Variants in TDP1 observed in about 807,000 individuals in gnomAD.
TDP1 encodes the protein tyrosyl-DNA phosphodiesterase 1.
Under a neutral mutation model 81.5 loss-of-function variants are expected in TDP1, and 64 were observed. The ratio of observed to expected loss-of-function variants is 0.79; its 90% CI spans 0.64 to 0.97. The LOEUF is 0.97. TDP1 is among the 50% of genes least tolerant of loss of function. The pLI, the probability that TDP1 is intolerant of heterozygous loss-of-function variation, is 0.00. For synonymous variants in TDP1, 256 were observed against 264.3 expected, an observed-to-expected ratio of 0.97 and a Z score of 0.30; for missense variants, 723 against 743.8, an observed-to-expected ratio of 0.97 and a Z score of 0.33.
intron 4 of TDP1, 61 bp from the exon 5 acceptor site, chr14:89,967,306 C>T (rs779108285): frequency 6.7e-6 from 10 of 1,491,820 alleles, no homozygotes; most frequent in Non-Finnish European, 8.4e-6. Flanking sequence ...AAACAATTCT[C>T]CTTATGAACT....
chr14:89,981,934 T>C (rs1895019260), intron 8 of TDP1, among the ~76,000 whole-genome samples: 2 of 151,746 alleles, frequency 1.3e-5, no homozygotes, highest in South Asian at 4.1e-4. Context: ...GTGCTGAGAT[T>C]ACAGGCATGA....
chr14:90,020,941 G>A (rs1024492264), intron 15 of TDP1, among the ~76,000 whole-genome samples: 19 of 151,064 alleles, frequency 1.3e-4, no homozygotes, highest in African/African-American at 4.9e-5. Flanking sequence ...GACTACAGGC[G>A]CCTGCCACCA....
chr14:90,023,994 C>T (rs1886374014), intron 15 of TDP1, among the ~76,000 whole-genome samples: 2 of 152,196 alleles, frequency 1.3e-5, no homozygotes, highest in South Asian at 2.1e-4. Context: ...AACACCCCCG[C>T]AACATCACAT....
chr14:89,992,095 C>A, intron 13 of TDP1, 112 bp downstream of exon 13: 1 of 870,742 alleles, frequency 1.1e-6, no homozygotes, highest in Non-Finnish European at 1.8e-6. Flanking sequence ...TAGCTATATT[C>A]TTTCATCTAC....
chr14:89,975,581 G>GTTTTTTTTTTTTTTT, intron 6 of TDP1, 200 bp from the exon 7 acceptor site: 1 of 256,994 alleles, frequency 3.9e-6, no homozygotes, highest in Non-Finnish European at 5.3e-6. Context: ...CAAAATTTGT[G>GTTTTTTTTTTTTTTT]TTTTTTTTTT....
intron 3 of TDP1, 98 bp from the exon 4 acceptor site, chr14:89,966,047 CAG>C: frequency 4.0e-6 from 4 of 1,005,880 alleles, no homozygotes; most frequent in Non-Finnish European, 6.3e-6. Context: ...TGTTCTGAGT[CAG>C]ATCTTGATTG....
chr14:90,020,793 A>T (rs1885987449), intron 15 of TDP1, among the ~76,000 whole-genome samples: 1 of 137,190 alleles, frequency 7.3e-6, no homozygotes, highest in Non-Finnish European at 1.5e-5. Context: ...ATCTGGACTA[A>T]TCCAGTCTTT....
At chr14:89,997,539 A>C (rs1024083323) in intron 14 of TDP1, among the ~76,000 whole-genome samples, 2 of 152,166 alleles carry the variant, frequency 1.3e-5, no homozygotes, top group African/African-American at 4.8e-5. Context: ...GATGAACTTA[A>C]AAGTTTGGTG....
chr14:90,002,375 C>T (rs952042826), intron 14 of TDP1, among the ~76,000 whole-genome samples: 7 of 152,142 alleles, frequency 4.6e-5, no homozygotes, highest in African/African-American at 1.7e-4. Context: ...TGGCTTTTAT[C>T]TCATTTATGG....
At chr14:90,021,014 A>C (rs1388656379) in intron 15 of TDP1, among the ~76,000 whole-genome samples, 1 of 151,164 alleles carries the variant, frequency 6.6e-6, no homozygotes, top group East Asian at 2.0e-4. Context: ...CAAGTCTCCA[A>C]CTCCTGGCCT....
chr14:89,990,547 C>T (rs976147703), intron 12 of TDP1, among the ~76,000 whole-genome samples: 2 of 102,408 alleles, frequency 2.0e-5, no homozygotes, highest in African/African-American at 3.9e-5. Flanking sequence ...TGTATTAGCC[C>T]TTTTTTTTTT....
At chr14:89,974,465 G>C (rs755416724) in intron 6 of TDP1, among the ~76,000 whole-genome samples, 9 of 152,188 alleles carry the variant, frequency 5.9e-5, no homozygotes, top group Admixed American at 3.3e-4. Flanking sequence ...ACAGATGCAT[G>C]CTGGTCTGTG....
At chr14:89,999,804 A>C (rs1428678364) in intron 14 of TDP1, among the ~76,000 whole-genome samples, 1 of 152,248 alleles carries the variant, frequency 6.6e-6, no homozygotes, top group Non-Finnish European at 1.5e-5. Flanking sequence ...TTTCAAAATA[A>C]GTTGACATGA....
At chr14:89,962,247 AAGT>A (rs1892412536) in intron 2 of TDP1, among the ~76,000 whole-genome samples, 1 of 152,174 alleles carries the variant, frequency 6.6e-6, no homozygotes, top group South Asian at 2.1e-4. Flanking sequence ...GTCCTCATGG[AAGT>A]AGTGTAAATA....
intron 6 of TDP1, among the ~76,000 whole-genome samples, chr14:89,973,493 C>T (rs757352244): frequency 3.9e-5 from 6 of 152,166 alleles, no homozygotes; most frequent in Admixed American, 6.5e-5. Context: ...TCTAGGCTGA[C>T]GTACAGGATT....
chr14:89,976,555 T>A (rs111819111), intron 7 of TDP1, among the ~76,000 whole-genome samples: 4,104 of 132,790 alleles, frequency 0.031, 86 homozygotes, highest in African/African-American at 0.078. Context: ...TTTTTTTTTT[T>A]AGACAGAGTC....
intron 6 of TDP1, 35 bp from the exon 7 acceptor site, chr14:89,975,746 T>G: frequency 1.3e-6 from 2 of 1,580,140 alleles, no homozygotes; most frequent in Non-Finnish European, 1.7e-6. Flanking sequence ...TATTAGTGAG[T>G]TGTTTTTAAA....
chr14:90,019,414 C>T lies in TDP1; in HGVS notation c.1640C>T (p.Ala547Val), dbSNP rs2140262574. 1 of 1,579,340 alleles carries T rather than the reference C, an allele frequency of 6.3e-7. No individual in the cohort carries two copies. The highest frequency in any genetic ancestry group is 2.2e-5 in the East Asian group (1 of 44,740). The change falls in exon 15 of 17, where the codon GCA becomes GTA. Residue 547 changes from alanine to valine, a missense_variant. Transcript: ENST00000335725. The part of the protein sequence containing the change: ...YELGVLFLPS[A>V]FGLDSFKVKQ... ...CTCGGGGTCCTTTTCCTCCCTTCAG[C>T]ATTTGTAAGTTTACACTTCCAACTG...
At chr14:89,984,751 G>C in intron 9 of TDP1, 68 bp downstream of exon 9, 1 of 1,603,900 alleles carries the variant, frequency 6.2e-7, no homozygotes, top group African/African-American at 1.3e-5. Flanking sequence ...CATGAGGTCT[G>C]GCATGCAGGG....
Sources: allele counts gnomAD v4.1 joint callset (sites outside exome capture counted in the v4.1 genomes callset), GRCh38; gene constraint gnomAD v4.1.1; transcripts MANE v1.5; gene names NCBI Gene and HGNC (gene_info 2026-07-23, HGNC 2026-07-21).